Variants in ABLIM2 observed in about 807,000 individuals in gnomAD.
The protein encoded by ABLIM2 is actin-binding LIM protein 2.
A neutral mutation model predicts 97.7 loss-of-function variants in ABLIM2; 53 were observed. That is an observed-to-expected ratio of 0.54 (90% CI 0.44 to 0.68). The LOEUF is 0.68. Among genes scored for constraint, ABLIM2 ranks in the 30% least tolerant of loss-of-function variants. The pLI, the probability that ABLIM2 is intolerant of heterozygous loss-of-function variation, is 0.00. For synonymous variants in ABLIM2, 361 were observed against 345.8 expected, an observed-to-expected ratio of 1.04 and a Z score of -0.49; for missense variants, 835 against 867.2, an observed-to-expected ratio of 0.96 and a Z score of 0.47.
At position 8,036,303 on chromosome 4, in the gene ABLIM2, G is replaced by T. The variant is rs770945239; in HGVS notation, c.901-8C>A. On this transcript the variant is annotated splice_polypyrimidine_tract_variant and splice_region_variant and intron_variant, in intron 9 of 20. Transcript: ENST00000447017. ...CTCACCACCAAGCTTGGCCTGAGAG[G>T]GGAAAGAGAATTGGGGAGGGGACAG... 12 of 1,613,236 alleles carry T rather than the reference G, an allele frequency of 7.4e-6. No individual in the cohort carries two copies. Among genetic ancestry groups the T allele is most frequent in the Non-Finnish European group, 1.0e-5 (12 of 1,179,510 alleles).
rs925765099 is a variant in ABLIM2 at position 8,144,700 on chromosome 4, C to G, written c.10+13980G>C. 2.6e-5 allele frequency among the ~76,000 whole-genome samples: 4 copies of G among 152,278 alleles called. No individual in the cohort carries two copies. The South Asian group carries it at 8.3e-4, about 32-fold the overall frequency. ...CTGTAAAATGGGGAGTCACAGCTCC[C>G]CACCCCACCACCTGGTGTGAAGAGG... On this transcript the variant is annotated intron_variant, in intron 1 of 20. Coordinates refer to ENST00000447017, the MANE Select transcript of ABLIM2 (RefSeq NM_001130083.2).
intron 9 of ABLIM2, among the ~76,000 whole-genome samples, chr4:8,038,730 G>C (rs1024282015): frequency 6.6e-6 from 1 of 152,120 alleles, no homozygotes; most frequent in African/African-American, 2.4e-5. Flanking sequence ...TTGGAGCCTG[G>C]GGCAGGGTTC....
intron 14 of ABLIM2, among the ~76,000 whole-genome samples, chr4:8,013,824 G>A (rs779522576): frequency 6.6e-5 from 10 of 152,224 alleles, no homozygotes; most frequent in Non-Finnish European, 1.3e-4. Context: ...ATGAGTCTCT[G>A]CACTCCCTTC....
At chr4:8,045,130 C>T in intron 9 of ABLIM2, 34 bp downstream of exon 9, 1 of 1,598,298 alleles carries the variant, frequency 6.3e-7, no homozygotes, top group Non-Finnish European at 8.6e-7. Flanking sequence ...CTCCACCCTC[C>T]CACCGCCGTC....
At chr4:8,014,568 C>T (rs1173867330) in intron 14 of ABLIM2, among the ~76,000 whole-genome samples, 1 of 152,252 alleles carries the variant, frequency 6.6e-6, no homozygotes. Context: ...CTGAGCCTCT[C>T]ACCTGTCTGG....
intron 9 of ABLIM2, among the ~76,000 whole-genome samples, chr4:8,041,886 A>G (rs1788855331): frequency 6.6e-6 from 1 of 150,778 alleles, no homozygotes; most frequent in Non-Finnish European, 1.5e-5. Context: ...CCTGGGCGAC[A>G]CAGTGAGACT....
At chr4:7,981,073 A>G (rs1737960968) in intron 20 of ABLIM2, among the ~76,000 whole-genome samples, 1 of 151,108 alleles carries the variant, frequency 6.6e-6, no homozygotes, top group South Asian at 2.1e-4. Context: ...CCTCCCAAGT[A>G]GCTGGGACTA....
intron 19 of ABLIM2, 30 bp downstream of exon 19, chr4:7,983,517 G>A (rs199606489): frequency 2.4e-5 from 39 of 1,612,710 alleles, no homozygotes; most frequent in African/African-American, 1.1e-4. Flanking sequence ...GGCGCGGCAC[G>A]GAGGTCAGTG....
Position 8,015,210 on chromosome 4 carries a change from C to T in ABLIM2, c.1423+4408G>A, listed in dbSNP as rs1017984894. ...TGCTGGGATTACAGGTGTGAGCCAC[C>T]GTGCCCGGCTTGTCTTCCACCTTTC... On this transcript the variant is annotated intron_variant, in intron 14 of 20. Transcript: ENST00000447017. The surrounding 1 kb of genome is among the most constrained non-coding windows in gnomAD (Gnocchi z 4.6). 2.6e-5 allele frequency among the ~76,000 whole-genome samples: 4 copies of T among 152,138 alleles called. No homozygotes were observed. The South Asian group carries it at 6.2e-4, about 24-fold the overall frequency.
In ABLIM2 at chr4:8,069,251, T is replaced by C. The variant is rs533797224; in HGVS notation, c.676-8197A>G. ...TGGCACTGGCAGACGAGCCGTCCAGTGGGGACGTTCTGAACAAGGCAACAC... is the reference window on the plus strand; with the variant it reads ...TGGCACTGGCAGACGAGCCGTCCAGCGGGGACGTTCTGAACAAGGCAACAC... On this transcript the variant is annotated intron_variant, in intron 6 of 20. Coordinates refer to ENST00000447017, the MANE Select transcript of ABLIM2 (RefSeq NM_001130083.2). The surrounding 1 kb of genome is among the most constrained non-coding windows in gnomAD (Gnocchi z 4.2). Among the ~76,000 whole-genome samples, 2 of 152,314 alleles carry C rather than the reference T, an allele frequency of 1.3e-5. No homozygotes were observed. Among genetic ancestry groups the C allele is most frequent in the East Asian group, 3.9e-4 (2 of 5,188 alleles).
chr4:8,042,150 C>T (rs1789102502), intron 9 of ABLIM2, among the ~76,000 whole-genome samples: 1 of 152,178 alleles, frequency 6.6e-6, no homozygotes, highest in South Asian at 2.1e-4. Flanking sequence ...GAAGCAGGGT[C>T]TCTCTGACCG....
chr4:7,968,489 C>T (rs540954057), intron 20 of ABLIM2, among the ~76,000 whole-genome samples: 1 of 152,370 alleles, frequency 6.6e-6, no homozygotes, highest in East Asian at 1.9e-4. Flanking sequence ...GACGGAATAG[C>T]CTTCAGCCTT....
intron 3 of ABLIM2, among the ~76,000 whole-genome samples, chr4:8,092,242 C>G (rs573644249): frequency 6.6e-6 from 1 of 151,956 alleles, no homozygotes; most frequent in South Asian, 2.1e-4. Context: ...AAGCAATCTG[C>G]CCACCTCAGC....
chr4:8,077,762 C>T (rs778684990), intron 5 of ABLIM2, 41 bp from the exon 6 acceptor site: 62 of 1,554,660 alleles, frequency 4.0e-5, no homozygotes, highest in Admixed American at 1.8e-4. Context: ...GGGTGTCGCC[C>T]GAGGACCCTT....
chr4:7,995,274 G>A (rs1752460133), intron 16 of ABLIM2, among the ~76,000 whole-genome samples: 1 of 152,240 alleles, frequency 6.6e-6, no homozygotes, highest in Admixed American at 6.5e-5. Flanking sequence ...ATCTGGGGGT[G>A]TCACCCCAGT....
intron 20 of ABLIM2, among the ~76,000 whole-genome samples, chr4:7,973,527 G>A (rs961085215): frequency 4.6e-5 from 7 of 151,742 alleles, no homozygotes; most frequent in Admixed American, 3.9e-4. Context: ...AGAAAAAAAA[G>A]AAAGCTGAGG....
At chr4:8,063,547 C>T (rs1804854997) in intron 6 of ABLIM2, among the ~76,000 whole-genome samples, 1 of 152,234 alleles carries the variant, frequency 6.6e-6, no homozygotes, top group East Asian at 1.9e-4. Context: ...AGAGCTTGAG[C>T]AAGGTCACAC....
At position 8,019,608 on chromosome 4, in the gene ABLIM2, C is replaced by T. The variant is rs1199587292; in HGVS notation, c.1423+10G>A. ...GGCAAACCACAGCAGCGGGAGGAAT[C>T]CAACCGTACCATGCTGTCTGTAGAT... On this transcript the variant is annotated intron_variant, in intron 14 of 20. Coordinates refer to ENST00000447017, the MANE Select transcript of ABLIM2 (RefSeq NM_001130083.2). This position sits in a 1 kb window ranked among gnomAD's most constrained non-coding sequence, Gnocchi z 4.3. 4.4e-6 allele frequency: 7 copies of T among 1,607,618 alleles called. No homozygotes were observed. The highest frequency in any genetic ancestry group is 5.9e-6 in the Non-Finnish European group (7 of 1,177,756).
At position 8,085,262 on chromosome 4, in the gene ABLIM2, C is replaced by CCG. The variant is rs1822672252; in HGVS notation, c.454+2906_454+2907insCG. On this transcript the variant is annotated intron_variant, in intron 4 of 20. Coordinates refer to ENST00000447017, the MANE Select transcript of ABLIM2 (RefSeq NM_001130083.2). The surrounding 1 kb of genome is among the most constrained non-coding windows in gnomAD (Gnocchi z 6.1). ...TGTGAGGCCCCACCCTGCTGCCCCC[C>CCG]GGCCCAGCAAGCTGGCCAGGCAGAC... Among the ~76,000 whole-genome samples, 1 of 152,134 alleles carries CCG rather than the reference C, an allele frequency of 6.6e-6. No individual in the cohort carries two copies. Among genetic ancestry groups the CCG allele is most frequent in the South Asian group, 2.1e-4 (1 of 4,816 alleles).
Sources: allele counts gnomAD v4.1 joint callset (sites outside exome capture counted in the v4.1 genomes callset), GRCh38; gene constraint gnomAD v4.1.1; non-coding constraint Gnocchi (gnomAD v3.1); transcripts MANE v1.5; gene names NCBI Gene and HGNC (gene_info 2026-07-23, HGNC 2026-07-21).